Variants in LARGE1 observed in about 807,000 individuals in gnomAD.
The protein encoded by LARGE1 is xylosyl- and glucuronyltransferase LARGE1.
In LARGE1, 43 loss-of-function variants were observed where a neutral mutation model predicts 87.6. The observed-to-expected ratio is 0.49, with a 90% CI of 0.38 to 0.63. The LOEUF (loss-of-function observed/expected upper bound fraction) is 0.63, where lower values mean the gene tolerates loss of function less well. LARGE1 is among the 30% of genes least tolerant of loss of function. The probability of loss-of-function intolerance (pLI) is 0.00; values close to 1 mark genes in which losing one functional copy is unlikely to be tolerated. For missense variants in LARGE1, 802 were observed against 1,000.2 expected, an observed-to-expected ratio of 0.80 and a Z score of 2.67; for synonymous variants, 434 against 394.6, an observed-to-expected ratio of 1.10 and a Z score of -1.18.
intron 1 of LARGE1, among the ~76,000 whole-genome samples, chr22:33,766,941 T>C (rs1226581911): frequency 2.6e-5 from 1 of 37,764 alleles, no homozygotes; most frequent in Non-Finnish European, 5.8e-5. Flanking sequence ...TATATATATA[T>C]ATATATATAT....
intron 7 of LARGE1, among the ~76,000 whole-genome samples, chr22:33,400,018 A>G (rs1028255893): frequency 3.3e-5 from 5 of 152,260 alleles, no homozygotes; most frequent in Non-Finnish European, 7.3e-5. Context: ...AACCCAAGGC[A>G]GAAATCACGC....
intron 6 of LARGE1, among the ~76,000 whole-genome samples, chr22:33,498,844 GA>G (rs1183877571): frequency 6.6e-6 from 1 of 152,004 alleles, no homozygotes; most frequent in East Asian, 1.9e-4. Context: ...GGTGGCGGGG[GA>G]CCTGTAGTCC....
the LARGE1 span, among the ~76,000 whole-genome samples, chr22:33,070,986 C>T: frequency 6.6e-6 from 1 of 152,042 alleles, no homozygotes. Flanking sequence ...GTTTTCTAAA[C>T]ACTAGTCCTT....
At chr22:33,521,525 C>T (rs539474597) in intron 6 of LARGE1, among the ~76,000 whole-genome samples, 2 of 152,300 alleles carry the variant, frequency 1.3e-5, no homozygotes, top group South Asian at 2.1e-4. Context: ...TTTCAGGTCT[C>T]TGCTTGTGTC....
intron 12 of LARGE1, 74 bp downstream of exon 12, chr22:33,304,155 G>A (rs1934543461): frequency 6.5e-7 from 1 of 1,539,056 alleles, no homozygotes; most frequent in East Asian, 2.3e-5. Context: ...ATGACCCTAA[G>A]GGCCTTTTGG....
chr22:33,092,517 C>G, the LARGE1 span, among the ~76,000 whole-genome samples: 161 of 152,166 alleles, frequency 1.1e-3, 1 homozygote, highest in African/African-American at 3.8e-3. Context: ...GTTTGTTACA[C>G]AGGTAAACAG....
intron 1 of LARGE1, among the ~76,000 whole-genome samples, chr22:33,918,030 C>T (rs2065837708): frequency 2.6e-5 from 4 of 152,280 alleles, no homozygotes; most frequent in Admixed American, 6.5e-5. Flanking sequence ...CACTACAGGA[C>T]GCACCCTCCC....
chr22:33,454,414 T>C (rs1286994599), intron 6 of LARGE1, among the ~76,000 whole-genome samples: 1 of 151,786 alleles, frequency 6.6e-6, no homozygotes, highest in Non-Finnish European at 1.5e-5. Flanking sequence ...GGTCAGGAGA[T>C]TGAGACTAGC....
intron 6 of LARGE1, among the ~76,000 whole-genome samples, chr22:33,466,693 T>TCTACAC (rs1555925562): frequency 8.9e-5 from 13 of 145,344 alleles, no homozygotes; most frequent in African/African-American, 3.4e-4. Context: ...TCTCTCTCTC[T>TCTACAC]ACACACACAC....
At chr22:33,105,977 C>T in the LARGE1 span, 3 of 152,270 alleles carry the variant, frequency 2.0e-5, no homozygotes, top group Non-Finnish European at 4.4e-5. Context: ...CCCTTACCTG[C>T]TGAGAGTCTA....
intron 4 of LARGE1, among the ~76,000 whole-genome samples, chr22:33,605,733 G>A (rs1415077492): frequency 1.3e-5 from 2 of 152,172 alleles, no homozygotes; most frequent in Non-Finnish European, 2.9e-5. Context: ...AAGCACTGTG[G>A]GAAATACAAA....
intron 1 of LARGE1, among the ~76,000 whole-genome samples, chr22:33,884,669 G>A (rs987992082): frequency 2.0e-5 from 3 of 152,154 alleles, no homozygotes; most frequent in Admixed American, 6.5e-5. Flanking sequence ...CGGCAACCCC[G>A]CCTTTAATCT....
chr22:33,785,849 G>A (rs893264923), intron 1 of LARGE1, among the ~76,000 whole-genome samples: 3 of 152,118 alleles, frequency 2.0e-5, no homozygotes, highest in Non-Finnish European at 4.4e-5. Context: ...AGAGAGAAAG[G>A]AAATGCCATT....
chr22:33,468,622 C>T lies in LARGE1; in HGVS notation c.788-36357G>A, dbSNP rs1601976295. Among the ~76,000 whole-genome samples the T allele has an allele frequency of 2.0e-5, 3 of 152,178 alleles. No homozygotes were observed. In the South Asian group the frequency reaches 6.2e-4, roughly 31 times the overall value. The stretch of plus-strand genomic sequence containing the variant: ...ATATTTCCTAGGAACACAAGATCTG[C>T]ATACATCTATTTTATTTTTCCCAGC... On this transcript the variant is annotated intron_variant, in intron 6 of 14. Transcript: ENST00000397394.
At chr22:33,890,763 T>C (rs1046419372) in intron 1 of LARGE1, among the ~76,000 whole-genome samples, 1 of 142,624 alleles carries the variant, frequency 7.0e-6, no homozygotes, top group Non-Finnish European at 1.5e-5. Context: ...CCTCAGGTTG[T>C]TCAGGACAGA....
intron 1 of LARGE1, among the ~76,000 whole-genome samples, chr22:33,851,688 G>A (rs2063587377): frequency 6.6e-6 from 1 of 152,350 alleles, no homozygotes; most frequent in Non-Finnish European, 1.5e-5. Flanking sequence ...GCAAGAGGAT[G>A]TCAGGAGGAG....
chr22:33,910,006 G>C (rs2065581349), intron 1 of LARGE1, among the ~76,000 whole-genome samples: 1 of 152,050 alleles, frequency 6.6e-6, no homozygotes, highest in Non-Finnish European at 1.5e-5. Flanking sequence ...CCCCTCCTTT[G>C]AGTTTGAGAA....
At chr22:33,610,641 G>A (rs1351057581) in intron 4 of LARGE1, among the ~76,000 whole-genome samples, 1 of 152,196 alleles carries the variant, frequency 6.6e-6, no homozygotes, top group Non-Finnish European at 1.5e-5. Context: ...TAGGGTGGTG[G>A]TGGGTGGTGG....
At chr22:33,416,544 T>C (rs1328906995) in intron 7 of LARGE1, among the ~76,000 whole-genome samples, 1 of 152,012 alleles carries the variant, frequency 6.6e-6, no homozygotes, top group Non-Finnish European at 1.5e-5. Context: ...TAGTGTTTTG[T>C]GTGTTTTTTT....
Sources: gnomAD v4.1 joint callset for allele counts (sites outside exome capture counted in the v4.1 genomes callset) on GRCh38, gnomAD v4.1.1 for gene constraint, MANE v1.5 for transcripts, NCBI Gene and HGNC (gene_info 2026-07-23, HGNC 2026-07-21) for gene names.